Variants in PTPRM observed in about 807,000 individuals in gnomAD.
The protein encoded by PTPRM is protein tyrosine phosphatase receptor type M, also known as receptor-type tyrosine-protein phosphatase mu.
In PTPRM, 47 loss-of-function variants were observed where a neutral mutation model predicts 186.7. That is an observed-to-expected ratio of 0.25 (90% CI 0.20 to 0.32). PTPRM has a LOEUF of 0.32. Among genes scored for constraint, PTPRM ranks in the 10% least tolerant of loss-of-function variants. PTPRM has a pLI of 1.00. For missense variants in PTPRM, 1,494 were observed against 1,865.0 expected, an observed-to-expected ratio of 0.80 and a Z score of 3.66; for synonymous variants, 668 against 674.9, an observed-to-expected ratio of 0.99 and a Z score of 0.16.
At chr18:7,906,465 C>A (rs532468643) in intron 3 of PTPRM, 40 bp from the exon 4 acceptor site, 1 of 1,500,698 alleles carries the variant, frequency 6.7e-7, no homozygotes, top group Admixed American at 1.7e-5. Context: ...AAAAGTAAGA[C>A]AAAATGAATA....
At chr18:7,595,494 C>A (rs1567973536) in intron 1 of PTPRM, among the ~76,000 whole-genome samples, 1 of 152,038 alleles carries the variant, frequency 6.6e-6, no homozygotes, top group African/African-American at 2.4e-5. Context: ...TAATGTTGAG[C>A]CTTTTAGGGG....
chr18:7,618,687 C>T lies in PTPRM; in HGVS notation c.73+50796C>T, dbSNP rs553618047. ...AGTTTGTACCCTTTGATTTGTGATG[C>T]CTTTTACTTCACCCCAAACCCCCGT... On this transcript the variant is annotated intron_variant, in intron 1 of 32. Transcript: ENST00000580170. Among the ~76,000 whole-genome samples, 158 of 152,294 alleles carry T rather than the reference C, an allele frequency of 1.0e-3. 4 individuals carry two copies. The South Asian group carries it at 0.031, about 30-fold the overall frequency.
rs1475501552 is a variant in PTPRM, at chr18:7,949,280, G to A, written c.763G>A (p.Ala255Thr). 6.2e-7 allele frequency: 1 copy of A among 1,614,062 alleles called. No individual in the cohort carries two copies. Residue 255 changes from alanine (A) to threonine (T), a missense_variant, in exon 6 of 33, where the codon GCT becomes ACT. By Grantham distance (58) the Ala-to-Thr change is moderately conservative. Around this residue, in one of 3 missense-constraint regions of PTPRM, gnomAD observed 296 missense variants for 345.5 expected, o/e 0.86. Transcript: ENST00000580170. Reference protein sequence around the residue: ...FNVVNTTKRDAGKYRCMIRTE... With the variant: ...FNVVNTTKRDTGKYRCMIRTE... Reference sequence around the variant, plus strand: ...TGTTGTGAATACCACCAAACGAGATGCTGGAAAGTACCGCTGCATGATTCG... The same window carrying A: ...TGTTGTGAATACCACCAAACGAGATACTGGAAAGTACCGCTGCATGATTCG...
chr18:8,132,224 CAA>C (rs1359760407), intron 13 of PTPRM, among the ~76,000 whole-genome samples: 1 of 152,086 alleles, frequency 6.6e-6, no homozygotes. Context: ...ACATGATAAA[CAA>C]AAGTCTTTGT....
chr18:7,961,211 A>G (rs548631299), intron 7 of PTPRM, among the ~76,000 whole-genome samples: 1 of 152,234 alleles, frequency 6.6e-6, no homozygotes. Flanking sequence ...GCTATCAAAT[A>G]CTAGTTTCAT....
At chr18:7,966,804 T>C (rs1358289168) in intron 7 of PTPRM, among the ~76,000 whole-genome samples, 7 of 132,110 alleles carry the variant, frequency 5.3e-5, no homozygotes, top group Non-Finnish European at 8.8e-5. Flanking sequence ...CGGAGGGTCC[T>C]ACGCCCACGG....
intron 20 of PTPRM, among the ~76,000 whole-genome samples, chr18:8,305,506 G>A (rs745634788): frequency 4.3e-4 from 66 of 152,186 alleles, no homozygotes; most frequent in Non-Finnish European, 8.7e-4. Flanking sequence ...TTTTACAGTT[G>A]GGGAAACTGA....
At chr18:7,817,822 C>T (rs760769114) in intron 2 of PTPRM, among the ~76,000 whole-genome samples, 1 of 152,116 alleles carries the variant, frequency 6.6e-6, no homozygotes, top group Non-Finnish European at 1.5e-5. Flanking sequence ...CTGTCGTGTT[C>T]CTGTGTGCTG....
chr18:7,691,157 T>C (rs879721177), intron 1 of PTPRM, among the ~76,000 whole-genome samples: 21 of 152,166 alleles, frequency 1.4e-4, no homozygotes, highest in Non-Finnish European at 2.9e-4. Flanking sequence ...CTAACCAACT[T>C]CTTTATAGGG....
chr18:7,762,379 G>T (rs1399050282), intron 1 of PTPRM, among the ~76,000 whole-genome samples: 1 of 152,064 alleles, frequency 6.6e-6, no homozygotes, highest in Non-Finnish European at 1.5e-5. Flanking sequence ...GAGCATAGGG[G>T]TAGCATATGG....
chr18:7,851,651 A>G (rs928894865), intron 2 of PTPRM, among the ~76,000 whole-genome samples: 2 of 108,582 alleles, frequency 1.8e-5, no homozygotes, highest in African/African-American at 3.1e-5. Flanking sequence ...ACAAAAAAAA[A>G]AACTGAGGCA....
chr18:8,169,451 A>G (rs1032598926), intron 14 of PTPRM, among the ~76,000 whole-genome samples: 1 of 152,170 alleles, frequency 6.6e-6, no homozygotes, highest in Non-Finnish European at 1.5e-5. Context: ...TAAAAGTAAT[A>G]GGTCTACTTC....
chr18:8,275,002 C>T (rs1296223254), intron 19 of PTPRM, among the ~76,000 whole-genome samples: 1 of 152,196 alleles, frequency 6.6e-6, no homozygotes, highest in Non-Finnish European at 1.5e-5. Flanking sequence ...CTTCTGCAAC[C>T]TGCAACTGGT....
In PTPRM at chr18:7,751,779, CA is replaced by C. The variant is rs1185047685; in HGVS notation, c.74-22366del. 3.9e-5 allele frequency among the ~76,000 whole-genome samples: 6 copies of C among 152,346 alleles called. No homozygotes were observed. The East Asian group carries it at 1.2e-3, about 29-fold the overall frequency. On this transcript the variant is annotated intron_variant, in intron 1 of 32. Transcript: ENST00000580170. The stretch of plus-strand genomic sequence containing the variant: ...TACATCTGGTATACACTAACTACTG[CA>C]AAAGCCTTCAACCTAGTCAGTTCAC...
chr18:7,920,599 T>G (rs1424663430), intron 4 of PTPRM, among the ~76,000 whole-genome samples: 3 of 152,218 alleles, frequency 2.0e-5, no homozygotes, highest in African/African-American at 7.2e-5. Context: ...GATTTGTCTT[T>G]TGGGCTTCAC....
At chr18:7,789,359 T>C (rs1186903970) in intron 2 of PTPRM, among the ~76,000 whole-genome samples, 1 of 152,096 alleles carries the variant, frequency 6.6e-6, no homozygotes, top group Non-Finnish European at 1.5e-5. Flanking sequence ...ATTAATATTG[T>C]CTTGGAGGAT....
At chr18:7,685,414 T>C (rs2039579613) in intron 1 of PTPRM, among the ~76,000 whole-genome samples, 1 of 152,204 alleles carries the variant, frequency 6.6e-6, no homozygotes, top group Non-Finnish European at 1.5e-5. Flanking sequence ...ATAGTAAACG[T>C]ATTAGAAAAG....
intron 1 of PTPRM, among the ~76,000 whole-genome samples, chr18:7,589,731 A>T (rs1394632753): frequency 6.6e-6 from 1 of 152,230 alleles, no homozygotes; most frequent in East Asian, 1.9e-4. Context: ...AGACTTTATT[A>T]GTCATTAATA....
At position 8,171,007 on chromosome 18, in the gene PTPRM, G is replaced by A. The variant is rs548741575; in HGVS notation, c.2300+27228G>A. 9.2e-5 allele frequency among the ~76,000 whole-genome samples: 14 copies of A among 152,298 alleles called. No individual in the cohort carries two copies. In the South Asian group the frequency reaches 2.7e-3, roughly 29 times the overall value. On this transcript the variant is annotated intron_variant, in intron 14 of 32. Coordinates refer to ENST00000580170, the MANE Select transcript of PTPRM (RefSeq NM_001105244.2). ...AGCACAGTCTTCCGATGGGGCCTCT[G>A]TGTGAATGTTCTTCAGTCATTTTGC...
Sources: allele counts gnomAD v4.1 joint callset (sites outside exome capture counted in the v4.1 genomes callset), GRCh38; gene constraint gnomAD v4.1.1; regional missense constraint gnomAD v4.1.1; transcripts MANE v1.5; gene names NCBI Gene and HGNC (gene_info 2026-07-23, HGNC 2026-07-21).